The following LRP1B variants were observed in gnomAD, a reference collection of about 807,000 sequenced individuals.
LRP1B encodes low-density lipoprotein receptor-related protein 1B.
In LRP1B, 217 loss-of-function variants were observed where a neutral mutation model predicts 556.6. The observed-to-expected ratio is 0.39, with a 90% confidence interval of 0.35 to 0.44. LRP1B has a LOEUF of 0.44. Ranked by LOEUF, LRP1B falls within the 20% of genes least tolerant of loss-of-function variation. LRP1B has a pLI of 1.00. For missense variants in LRP1B, 5,053 were observed against 5,620.8 expected, an observed-to-expected ratio of 0.90 and a Z score of 3.23; for synonymous variants, 2,047 against 1,865.8, an observed-to-expected ratio of 1.10 and a Z score of -2.50.
intron 24 of LRP1B, among the ~76,000 whole-genome samples, chr2:140,885,009 G>T (rs1693592460): frequency 2.0e-5 from 3 of 152,100 alleles, no homozygotes; most frequent in Admixed American, 2.0e-4. Context: ...CACTGTGCTG[G>T]CCAGCCAAAA....
intron 41 of LRP1B, among the ~76,000 whole-genome samples, chr2:140,609,343 T>C (rs1183942924): frequency 6.6e-6 from 1 of 152,156 alleles, no homozygotes; most frequent in East Asian, 1.9e-4. Flanking sequence ...TATTTAAGGT[T>C]TCCTTTAGGG....
chr2:141,690,918 A>T (rs1485635274), intron 2 of LRP1B, among the ~76,000 whole-genome samples: 1 of 151,734 alleles, frequency 6.6e-6, no homozygotes, highest in Non-Finnish European at 1.5e-5. Context: ...AATGAGGTAC[A>T]GCATCAGGAC....
At chr2:140,584,669 C>T (rs887005484) in intron 43 of LRP1B, among the ~76,000 whole-genome samples, 4 of 152,112 alleles carry the variant, frequency 2.6e-5, no homozygotes, top group South Asian at 2.1e-4. Flanking sequence ...CATCTCTTTT[C>T]AGACAGTCTG....
intron 1 of LRP1B, among the ~76,000 whole-genome samples, chr2:141,890,381 TACATATATAG>T (rs372226642): frequency 7.2e-4 from 38 of 52,736 alleles, no homozygotes; most frequent in African/African-American, 1.3e-3. Context: ...ATAGTGTGTA[TACATATATAG>T]TGTATATATA....
At chr2:141,394,274 T>C (rs1690162200) in intron 3 of LRP1B, among the ~76,000 whole-genome samples, 1 of 152,100 alleles carries the variant, frequency 6.6e-6, no homozygotes. Context: ...TGTGTAAACT[T>C]TCAGGACTTT....
chr2:140,999,343 C>G (rs940891506), intron 15 of LRP1B, among the ~76,000 whole-genome samples: 1 of 151,952 alleles, frequency 6.6e-6, no homozygotes, highest in Non-Finnish European at 1.5e-5. Context: ...TGAGTATAGA[C>G]AAAATCCTCT....
intron 23 of LRP1B, among the ~76,000 whole-genome samples, chr2:140,894,392 T>C (rs1693886645): frequency 6.6e-6 from 1 of 152,156 alleles, no homozygotes; most frequent in African/African-American, 2.4e-5. Context: ...GCCTGTGCTG[T>C]GGTGCAGATG....
intron 33 of LRP1B, 43 bp downstream of exon 33, chr2:140,776,055 T>A (rs1689485443): frequency 6.9e-7 from 1 of 1,441,040 alleles, no homozygotes; most frequent in Admixed American, 2.5e-5. Context: ...AAAGAGCACA[T>A]TACGTATTCA....
intron 3 of LRP1B, among the ~76,000 whole-genome samples, chr2:141,255,761 C>T (rs759697688): frequency 5.9e-5 from 9 of 151,666 alleles, no homozygotes; most frequent in Non-Finnish European, 7.4e-5. Context: ...TCCACATCTG[C>T]GTATACTGCT....
chr2:141,602,241 T>C (rs1408264764), intron 2 of LRP1B, among the ~76,000 whole-genome samples: 1 of 152,190 alleles, frequency 6.6e-6, no homozygotes, highest in Admixed American at 6.5e-5. Flanking sequence ...AAACATTTTG[T>C]AGGGTAAATC....
chr2:140,815,561 A>T (rs1691088038), intron 31 of LRP1B, among the ~76,000 whole-genome samples: 3 of 152,138 alleles, frequency 2.0e-5, no homozygotes, highest in Admixed American at 2.0e-4. Flanking sequence ...CATGTGTGGA[A>T]TGTAAGGTAG....
At chr2:141,507,987 C>A (rs1345488901) in intron 2 of LRP1B, among the ~76,000 whole-genome samples, 1 of 151,572 alleles carries the variant, frequency 6.6e-6, no homozygotes, top group Non-Finnish European at 1.5e-5. Flanking sequence ...ACTTGGGAGG[C>A]TGACAGGAGA....
At chr2:141,367,092 A>G (rs1012666487) in intron 3 of LRP1B, among the ~76,000 whole-genome samples, 118 of 152,292 alleles carry the variant, frequency 7.7e-4, no homozygotes, top group African/African-American at 2.7e-3. Flanking sequence ...GCTAAAAACT[A>G]TTGCTGCTTT....
At chr2:140,296,063 G>A (rs1558779528) in intron 84 of LRP1B, among the ~76,000 whole-genome samples, 1 of 152,104 alleles carries the variant, frequency 6.6e-6, no homozygotes, top group Non-Finnish European at 1.5e-5. Context: ...CTTTTAAAGA[G>A]ATAGAAAAGA....
chr2:141,609,153 C>T (rs184721654), intron 2 of LRP1B, among the ~76,000 whole-genome samples: 1 of 151,892 alleles, frequency 6.6e-6, no homozygotes, highest in African/African-American at 2.4e-5. Flanking sequence ...TAAATAAAAC[C>T]CAGATTTATT....
At chr2:140,283,916 T>G (rs150563135) in intron 84 of LRP1B, among the ~76,000 whole-genome samples, 1 of 151,814 alleles carries the variant, frequency 6.6e-6, no homozygotes, top group Non-Finnish European at 1.5e-5. Context: ...ATCTGAGACT[T>G]GTGAGCAAGC....
intron 60 of LRP1B, among the ~76,000 whole-genome samples, chr2:140,465,481 T>C (rs1336647404): frequency 6.6e-6 from 1 of 152,128 alleles, no homozygotes; most frequent in African/African-American, 2.4e-5. Flanking sequence ...ACTGAATGAA[T>C]AGAAGCCCTA....
intron 1 of LRP1B, among the ~76,000 whole-genome samples, chr2:142,083,676 C>A (rs1020524514): frequency 2.0e-5 from 3 of 152,152 alleles, no homozygotes; most frequent in African/African-American, 7.2e-5. Context: ...AACTATCCTA[C>A]AAATATATGC....
At chr2:142,001,826 T>C (rs1253014300) in intron 1 of LRP1B, among the ~76,000 whole-genome samples, 1 of 152,164 alleles carries the variant, frequency 6.6e-6, no homozygotes, top group East Asian at 1.9e-4. Context: ...AAATTAGGAA[T>C]GTAAGCCTGA....
Sources: gnomAD v4.1 joint callset for allele counts (sites outside exome capture counted in the v4.1 genomes callset) on GRCh38, gnomAD v4.1.1 for gene constraint, MANE v1.5 for transcripts, NCBI Gene and HGNC (gene_info 2026-07-23, HGNC 2026-07-21) for gene names.